The following ANKS1B variants were observed in gnomAD, a reference collection of about 807,000 sequenced individuals.
ANKS1B encodes the protein ankyrin repeat and sterile alpha motif domain-containing protein 1B.
Under a neutral mutation model 148.3 loss-of-function variants are expected in ANKS1B, and 36 were observed. That is an observed-to-expected ratio of 0.24 (90% CI 0.19 to 0.32). The LOEUF is 0.32. Among genes scored for constraint, ANKS1B ranks in the 10% least tolerant of loss-of-function variants. The probability of loss-of-function intolerance (pLI) is 1.00; values close to 1 mark genes in which losing one functional copy is unlikely to be tolerated. For synonymous variants in ANKS1B, 542 were observed against 560.8 expected, an observed-to-expected ratio of 0.97 and a Z score of 0.47; for missense variants, 1,157 against 1,542.6, an observed-to-expected ratio of 0.75 and a Z score of 4.19.
chr12:98,974,911 CTTCT>C (rs1568127013), intron 17 of ANKS1B, among the ~76,000 whole-genome samples: 2 of 147,520 alleles, frequency 1.4e-5, no homozygotes, highest in African/African-American at 5.0e-5. Flanking sequence ...ACCTCCCTCC[CTTCT>C]TTCTTCTTCC....
chr12:99,854,139 G>A (rs1414464262), intron 1 of ANKS1B, among the ~76,000 whole-genome samples: 8 of 152,162 alleles, frequency 5.3e-5, no homozygotes, highest in Non-Finnish European at 1.2e-4. Context: ...AGCCTCCCGA[G>A]TAGCTGGGAC....
At chr12:99,608,361 C>T (rs1175350384) in intron 9 of ANKS1B, among the ~76,000 whole-genome samples, 2 of 152,028 alleles carry the variant, frequency 1.3e-5, no homozygotes, top group Non-Finnish European at 2.9e-5. Context: ...TTCTGTCTGA[C>T]CCAGTCAAAC....
chr12:99,565,109 G>A (rs12309733), intron 9 of ANKS1B, among the ~76,000 whole-genome samples: 2,017 of 152,152 alleles, frequency 0.013, 50 homozygotes, highest in African/African-American at 0.046. Context: ...ATTAATCCCT[G>A]TATTATTTCT....
At chr12:99,003,733 G>C (rs944619106) in intron 17 of ANKS1B, among the ~76,000 whole-genome samples, 1 of 152,180 alleles carries the variant, frequency 6.6e-6, no homozygotes, top group Non-Finnish European at 1.5e-5. Context: ...CTGATGGTTA[G>C]AGCTGCACGC....
chr12:99,952,996 C>T (rs947382351), intron 1 of ANKS1B, among the ~76,000 whole-genome samples: 3 of 152,000 alleles, frequency 2.0e-5, no homozygotes, highest in Non-Finnish European at 2.9e-5. Context: ...CCAAGTAACA[C>T]CACAATAATA....
intron 16 of ANKS1B, among the ~76,000 whole-genome samples, chr12:99,072,233 T>G (rs112453746): frequency 2.3e-3 from 344 of 152,202 alleles, no homozygotes; most frequent in African/African-American, 7.8e-3. Context: ...ACTTCTTGGC[T>G]CCAGGCAAAA....
chr12:99,720,947 C>T (rs562149031), intron 8 of ANKS1B, among the ~76,000 whole-genome samples: 1 of 152,214 alleles, frequency 6.6e-6, no homozygotes, highest in Non-Finnish European at 1.5e-5. Flanking sequence ...TCTTTGCTGG[C>T]AGGGCTATGC....
At chr12:98,953,934 C>CT (rs2153090200) in intron 17 of ANKS1B, among the ~76,000 whole-genome samples, 1 of 152,300 alleles carries the variant, frequency 6.6e-6, no homozygotes, top group South Asian at 2.1e-4. Context: ...CATGTCTCAT[C>CT]TTTTTGATAT....
At position 99,854,990 on chromosome 12, in the gene ANKS1B, G is replaced by GA. The variant is rs952348624; in HGVS notation, c.135-29602dup. Among the ~76,000 whole-genome samples the GA allele has an allele frequency of 7.2e-4, 107 of 148,770 alleles. 1 individual carries two copies. The highest frequency in any genetic ancestry group is 3.7e-3 in the East Asian group (19 of 5,072). On this transcript the variant is annotated intron_variant, in intron 1 of 26. Transcript: ENST00000683438. Reference sequence around the variant, plus strand: ...GAACCTATAAAACAATAATACAATTGAAAAAAAAACCCAGGTATTCAGGCA... The same window carrying GA: ...GAACCTATAAAACAATAATACAATTGAAAAAAAAAACCCAGGTATTCAGGCA...
chr12:99,247,503 A>C (rs1361402767), intron 12 of ANKS1B, among the ~76,000 whole-genome samples: 1 of 152,214 alleles, frequency 6.6e-6, no homozygotes, highest in African/African-American at 2.4e-5. Context: ...AGACTCCAAT[A>C]TAAGAAACTA....
At chr12:99,751,691 T>C (rs917404015) in intron 8 of ANKS1B, among the ~76,000 whole-genome samples, 1 of 152,158 alleles carries the variant, frequency 6.6e-6, no homozygotes, top group East Asian at 1.9e-4. Context: ...ATGAAATATA[T>C]AGATAATGCC....
rs116943068 is a variant in ANKS1B, at chr12:99,124,116, T to C, written c.2526+30173A>G. Among the ~76,000 whole-genome samples the C allele has an allele frequency of 3.9e-4, 59 of 152,250 alleles. 1 individual carries two copies. In the East Asian group the frequency reaches 0.011, roughly 28 times the overall value. The stretch of plus-strand genomic sequence containing the variant: ...AGTTCTGAGTAAAGGGGTAATATAA[T>C]CTGACATCTACTTTAGGAAAAATTG... On this transcript the variant is annotated intron_variant, in intron 15 of 26. Transcript: ENST00000683438.
At chr12:99,636,843 G>A (rs2098242013) in intron 9 of ANKS1B, among the ~76,000 whole-genome samples, 1 of 152,122 alleles carries the variant, frequency 6.6e-6, no homozygotes, top group Non-Finnish European at 1.5e-5. Flanking sequence ...GCATCCACTA[G>A]TAATAAGAAT....
At chr12:99,020,111 C>T (rs1489005388) in intron 17 of ANKS1B, among the ~76,000 whole-genome samples, 1 of 151,702 alleles carries the variant, frequency 6.6e-6, no homozygotes, top group East Asian at 1.9e-4. Context: ...CATAAACTTT[C>T]CCTTTTTAAC....
chr12:99,385,946 G>A (rs2152528044), intron 12 of ANKS1B, among the ~76,000 whole-genome samples: 1 of 152,298 alleles, frequency 6.6e-6, no homozygotes, highest in African/African-American at 2.4e-5. Flanking sequence ...GGAACCGAGA[G>A]GTTTGTTTAG....
intron 1 of ANKS1B, among the ~76,000 whole-genome samples, chr12:99,859,870 A>G (rs1015852666): frequency 1.3e-5 from 2 of 151,934 alleles, no homozygotes; most frequent in Non-Finnish European, 2.9e-5. Flanking sequence ...CTGGTCTTGA[A>G]CTCCTGACCT....
intron 9 of ANKS1B, among the ~76,000 whole-genome samples, chr12:99,556,680 A>G (rs1298975322): frequency 6.6e-6 from 1 of 152,070 alleles, no homozygotes; most frequent in African/African-American, 2.4e-5. Context: ...TTCCTGATTT[A>G]TGATTTAATT....
Position 99,399,793 on chromosome 12 carries a change from T to C in ANKS1B, c.1594A>G (p.Ile532Val). 1 of 1,613,410 alleles carries C rather than the reference T, an allele frequency of 6.2e-7. No individual in the cohort carries two copies. Among genetic ancestry groups the C allele is most frequent in the South Asian group, 1.1e-5 (1 of 91,070 alleles). ...IRPQPKQRTSIVSSLDFHRMN... is the reference protein window; with the variant it reads ...IRPQPKQRTSVVSSLDFHRMN... Reference sequence around the variant, plus strand: ...CGGTGAAAATCCAGAGAAGACACAATGGATGTTCGCTGTTTAGGCTAAAAT... The same window carrying C: ...CGGTGAAAATCCAGAGAAGACACAACGGATGTTCGCTGTTTAGGCTAAAAT... Residue 532 changes from isoleucine (I) to valine (V), a missense_variant, in exon 12 of 27, where the codon ATT becomes GTT. Around this residue, in one of 6 missense-constraint regions of ANKS1B, gnomAD observed 661 missense variants for 642.1 expected, o/e 1.03. Transcript: ENST00000683438.
At chr12:99,888,446 A>C (rs1175237316) in intron 1 of ANKS1B, among the ~76,000 whole-genome samples, 1 of 152,200 alleles carries the variant, frequency 6.6e-6, no homozygotes, top group Non-Finnish European at 1.5e-5. Context: ...TCTTCCTCAA[A>C]GTGGGCCATT....
Sources: gnomAD v4.1 joint callset for allele counts (sites outside exome capture counted in the v4.1 genomes callset) on GRCh38, gnomAD v4.1.1 for gene constraint, gnomAD v4.1.1 regional missense constraint, MANE v1.5 for transcripts, NCBI Gene and HGNC (gene_info 2026-07-23, HGNC 2026-07-21) for gene names.